The following FMN1 variants were observed in gnomAD, a reference collection of about 807,000 sequenced individuals.
FMN1 encodes formin 1.
FMN1 carries 110 observed loss-of-function variants against 132.4 expected under a neutral mutation model. That is an observed-to-expected ratio of 0.83 (90% confidence interval 0.71 to 0.97). FMN1 has a LOEUF of 0.97. FMN1 is among the 50% of genes least tolerant of loss of function. The pLI is 0.00. For missense variants in FMN1, 1,792 were observed against 1,705.3 expected, an observed-to-expected ratio of 1.05 and a Z score of -0.90; for synonymous variants, 722 against 651.7, an observed-to-expected ratio of 1.11 and a Z score of -1.64.
chr15:33,014,526 T>A (rs1195938644), intron 6 of FMN1, among the ~76,000 whole-genome samples: 4 of 152,152 alleles, frequency 2.6e-5, no homozygotes, highest in Non-Finnish European at 5.9e-5. Flanking sequence ...TCAATTTAAA[T>A]AATCTATTCC....
At chr15:32,829,169 G>C (rs2058442097) in intron 17 of FMN1, among the ~76,000 whole-genome samples, 1 of 152,148 alleles carries the variant, frequency 6.6e-6, no homozygotes. Flanking sequence ...GCTTTCTCAA[G>C]GTCTACTCTA....
At chr15:33,130,665 C>G (rs1963503998) in intron 4 of FMN1, among the ~76,000 whole-genome samples, 1 of 152,108 alleles carries the variant, frequency 6.6e-6, no homozygotes, top group African/African-American at 2.4e-5. Context: ...GGGTTTGGAG[C>G]AGTTTTTATG....
At chr15:33,000,438 G>C (rs909991372) in intron 7 of FMN1, among the ~76,000 whole-genome samples, 1 of 126,314 alleles carries the variant, frequency 7.9e-6, no homozygotes. Flanking sequence ...GACAGAGCCA[G>C]ACTCCATCTC....
chr15:32,791,865 T>C (rs531020822), intron 19 of FMN1, among the ~76,000 whole-genome samples: 49 of 152,242 alleles, frequency 3.2e-4, no homozygotes, highest in African/African-American at 1.1e-3. Flanking sequence ...CCGAGACATA[T>C]TGAATTGCAG....
intron 19 of FMN1, among the ~76,000 whole-genome samples, chr15:32,788,241 G>A (rs1417091591): frequency 6.6e-6 from 1 of 152,252 alleles, no homozygotes; most frequent in Non-Finnish European, 1.5e-5. Context: ...AGCCGACCCG[G>A]CGATTTAGGT....
chr15:32,945,366 A>C (rs1203122125), intron 9 of FMN1, among the ~76,000 whole-genome samples: 1 of 152,150 alleles, frequency 6.6e-6, no homozygotes, highest in Admixed American at 6.5e-5. Flanking sequence ...TTCTCATAGA[A>C]AGCCAATCCC....
intron 17 of FMN1, among the ~76,000 whole-genome samples, chr15:32,819,275 C>G (rs1026868319): frequency 1.3e-5 from 2 of 152,280 alleles, no homozygotes; most frequent in Admixed American, 1.3e-4. Context: ...TTTTCTCTCT[C>G]CTTTTAAAAA....
At chr15:33,056,388 G>A (rs1287559525) in intron 6 of FMN1, among the ~76,000 whole-genome samples, 1 of 152,244 alleles carries the variant, frequency 6.6e-6, no homozygotes, top group Non-Finnish European at 1.5e-5. Context: ...GTGCAGCCAT[G>A]TGGCACAGAA....
intron 6 of FMN1, among the ~76,000 whole-genome samples, chr15:33,014,558 C>T (rs142393060): frequency 6.6e-6 from 1 of 152,130 alleles, no homozygotes; most frequent in African/African-American, 2.4e-5. Flanking sequence ...GTCTAAAGAA[C>T]GTCTTTTTGA....
chr15:33,136,509 G>C (rs1425850101), intron 4 of FMN1, among the ~76,000 whole-genome samples: 1 of 152,106 alleles, frequency 6.6e-6, no homozygotes, highest in East Asian at 1.9e-4. Context: ...AGATTTCAGG[G>C]TGAAAATGTC....
At chr15:33,070,386 CT>C (rs34096484) in intron 5 of FMN1, among the ~76,000 whole-genome samples, 21,420 of 134,206 alleles carry the variant, frequency 0.16, 2,191 homozygotes, top group East Asian at 0.61. Flanking sequence ...CGTATTTGGT[CT>C]TTTTTTTTTT....
chr15:32,949,952 T>C (rs1252754854), intron 9 of FMN1, among the ~76,000 whole-genome samples: 1 of 50,510 alleles, frequency 2.0e-5, no homozygotes, highest in African/African-American at 1.2e-4. Context: ...TATATATATA[T>C]ATATATATAT....
rs1596395040 is a variant in FMN1 at position 32,982,923 on chromosome 15, C to CTGATA, written c.2224-13447_2224-13446insTATCA. Among the ~76,000 whole-genome samples, 3 of 152,230 alleles carry CTGATA rather than the reference C, an allele frequency of 2.0e-5. 1 individual carries two copies. In the East Asian group the frequency reaches 5.8e-4, roughly 29 times the overall value. ...CCAGTTTACCCTGCAGATTTTGGAA[C>CTGATA]TTATCAGCGTCCATCATCATGTAAG... On this transcript the variant is annotated intron_variant, in intron 7 of 20. Coordinates refer to ENST00000616417, the MANE Select transcript of FMN1 (RefSeq NM_001277313.2).
At chr15:32,989,485 G>A (rs749150473) in intron 7 of FMN1, among the ~76,000 whole-genome samples, 1 of 151,988 alleles carries the variant, frequency 6.6e-6, no homozygotes, top group East Asian at 1.9e-4. Context: ...GGAAAGTGTA[G>A]GGAAATAGCG....
At chr15:32,891,999 A>AGT (rs2060042933) in intron 15 of FMN1, among the ~76,000 whole-genome samples, 1 of 152,154 alleles carries the variant, frequency 6.6e-6, no homozygotes, top group South Asian at 2.1e-4. Context: ...TATCATCAGC[A>AGT]AACAGTGACA....
chr15:32,836,672 G>A (rs1449113442), intron 17 of FMN1, among the ~76,000 whole-genome samples: 2 of 152,140 alleles, frequency 1.3e-5, no homozygotes, highest in Non-Finnish European at 2.9e-5. Context: ...CATTGCTTGA[G>A]CATACATCTC....
Position 32,768,244 on chromosome 15 carries a change from A to G in FMN1, c.*6066T>C, listed in dbSNP as rs1447110728. 6.6e-6 allele frequency: 1 copy of G among 152,218 alleles called. No homozygotes were observed. The highest frequency in any genetic ancestry group is 2.4e-5 in the African/African-American group (1 of 41,438). The allele number at this position is 152,218 out of a possible 1,614,324, so 9.4% of individuals were successfully genotyped here. On this transcript the variant is annotated 3_prime_UTR_variant, in exon 21 of 21. Transcript: ENST00000616417. The stretch of plus-strand genomic sequence containing the variant: ...AATTTCCCTGAATAGCCAGTGGTCT[A>G]TGGGACTAACCTTTCATTTGGGAAA...
intron 16 of FMN1, among the ~76,000 whole-genome samples, chr15:32,878,312 G>T (rs1475582021): frequency 6.6e-6 from 1 of 152,228 alleles, no homozygotes; most frequent in Non-Finnish European, 1.5e-5. Flanking sequence ...AGTTTGTACG[G>T]CATGAGTATG....
At chr15:33,186,751 T>A (rs1371857649) in intron 2 of FMN1, among the ~76,000 whole-genome samples, 1 of 152,192 alleles carries the variant, frequency 6.6e-6, no homozygotes, top group Non-Finnish European at 1.5e-5. Flanking sequence ...GCATATTGAA[T>A]CTCATGAAAT....
Sources: allele counts gnomAD v4.1 joint callset (sites outside exome capture counted in the v4.1 genomes callset), GRCh38; gene constraint gnomAD v4.1.1; transcripts MANE v1.5; gene names NCBI Gene and HGNC (gene_info 2026-07-23, HGNC 2026-07-21).